TSPAN7: variants seen among roughly 807,000 people sequenced by gnomAD.
TSPAN7 encodes tetraspanin-7.
A neutral mutation model predicts 17.6 loss-of-function variants in TSPAN7; 1 was observed. That is an observed-to-expected ratio of 0.06 (90% CI 0.02 to 0.27). The LOEUF (loss-of-function observed/expected upper bound fraction) is 0.27, where lower values mean the gene tolerates loss of function less well. Among genes scored for constraint, TSPAN7 ranks in the 10% least tolerant of loss-of-function variants. TSPAN7 has a pLI of 1.00. For synonymous variants in TSPAN7, 78 were observed against 79.0 expected, an observed-to-expected ratio of 0.99 and a Z score of 0.07; for missense variants, 112 against 201.7, an observed-to-expected ratio of 0.56 and a Z score of 2.69.
intron 1 of TSPAN7, among the ~76,000 whole-genome samples, chrX:38,605,726 G>A (rs1243718203): frequency 3.6e-5 from 4 of 109,788 alleles, no homozygotes; most frequent in Non-Finnish European, 7.6e-5. Flanking sequence ...TAGATCAATG[G>A]AACAGAACAG....
chrX:38,571,743 TAA>T, intron 1 of TSPAN7, among the ~76,000 whole-genome samples: 1 of 104,003 alleles, frequency 9.6e-6, no homozygotes, highest in African/African-American at 3.5e-5. Context: ...GTGTGTGAGT[TAA>T]AAAAAAAAAA....
In TSPAN7 at chrX:38,653,612, T is replaced by G. The variant is rs1012928695; in HGVS notation, c.82-12509T>G. Among the ~76,000 whole-genome samples, 17 of 112,667 alleles carry G rather than the reference T, an allele frequency of 1.5e-4. No homozygotes were observed. The South Asian group carries it at 1.8e-3, about 12-fold the overall frequency. On this transcript the variant is annotated intron_variant, in intron 1 of 7. Coordinates refer to ENST00000378482, the MANE Select transcript of TSPAN7 (RefSeq NM_004615.4). ...CCCATAGGTTTGTTCCTGGTGCTAA[T>G]GATATTGAACATTTCTGGTTCACGT...
intron 1 of TSPAN7, among the ~76,000 whole-genome samples, chrX:38,663,182 G>A (rs9723944): frequency 1.2e-5 from 1 of 83,904 alleles, no homozygotes; most frequent in Non-Finnish European, 2.2e-5. Flanking sequence ...CACACACACA[G>A]ACACACACAC....
At chrX:38,591,055 G>A (rs895892784) in intron 1 of TSPAN7, among the ~76,000 whole-genome samples, 3 of 109,905 alleles carry the variant, frequency 2.7e-5, no homozygotes, top group Non-Finnish European at 5.7e-5. Context: ...ATCTCATTTT[G>A]TTCCTTCTAC....
chrX:38,634,467 G>A (rs897539943), intron 1 of TSPAN7, among the ~76,000 whole-genome samples: 2 of 112,000 alleles, frequency 1.8e-5, no homozygotes, highest in Non-Finnish European at 3.8e-5. Flanking sequence ...CATGTTCCTC[G>A]TTTCTGGGAC....
At chrX:38,641,265 T>C (rs933610160) in intron 1 of TSPAN7, among the ~76,000 whole-genome samples, 4 of 112,287 alleles carry the variant, frequency 3.6e-5, no homozygotes, top group Non-Finnish European at 7.5e-5. Flanking sequence ...CAAGTGAAGG[T>C]TTTCTCTTCC....
intron 1 of TSPAN7, among the ~76,000 whole-genome samples, chrX:38,571,238 A>G (rs5963515): frequency 0.17 from 18,474 of 110,455 alleles, 1,460 homozygotes; most frequent in Middle Eastern, 0.28. Flanking sequence ...GTACTGGTGA[A>G]CAGACATAGG....
intron 4 of TSPAN7, among the ~76,000 whole-genome samples, chrX:38,675,311 G>A (rs1352535977): frequency 8.9e-6 from 1 of 112,078 alleles, no homozygotes; most frequent in South Asian, 3.7e-4. Flanking sequence ...TTTTTCTTAA[G>A]AACTATTTAT....
intron 1 of TSPAN7, among the ~76,000 whole-genome samples, chrX:38,582,579 A>G (rs1170261227): frequency 9.0e-6 from 1 of 111,659 alleles, no homozygotes; most frequent in Non-Finnish European, 1.9e-5. Flanking sequence ...CGAGGTCTCT[A>G]TGATTGTAAA....
intron 6 of TSPAN7, among the ~76,000 whole-genome samples, chrX:38,685,602 CA>C (rs1179611997): frequency 5.4e-5 from 6 of 111,780 alleles, no homozygotes; most frequent in Admixed American, 9.5e-5. Flanking sequence ...CCTGGATATT[CA>C]ATATAGTCAT....
intron 5 of TSPAN7, among the ~76,000 whole-genome samples, chrX:38,680,544 TCTCTCTCTC>T (rs2069883123): frequency 2.5e-5 from 1 of 40,736 alleles, no homozygotes; most frequent in African/African-American, 9.4e-5. Context: ...ACAAATTCTC[TCTCTCTCTC>T]TCTCTCTCTC....
intron 2 of TSPAN7, among the ~76,000 whole-genome samples, chrX:38,670,786 G>A (rs1461222065): frequency 8.9e-6 from 1 of 112,756 alleles, no homozygotes; most frequent in African/African-American, 3.2e-5. Context: ...ATGGGCTAGC[G>A]TTAGAGAAAA....
intron 1 of TSPAN7, among the ~76,000 whole-genome samples, chrX:38,643,394 A>G (rs1388218211): frequency 9.0e-6 from 1 of 110,918 alleles, no homozygotes; most frequent in Non-Finnish European, 1.9e-5. Flanking sequence ...TTAATACTGA[A>G]ACATCACATT....
chrX:38,563,270 CA>C (rs1220901002), intron 1 of TSPAN7: 4 of 445,839 alleles, frequency 9.0e-6, no homozygotes, highest in Non-Finnish European at 1.3e-5. Context: ...TGAAATGTCT[CA>C]GTAGTGGAAT....
intron 1 of TSPAN7, among the ~76,000 whole-genome samples, chrX:38,594,257 A>T (rs1220605061): frequency 9.0e-6 from 1 of 111,176 alleles, no homozygotes. Context: ...ATGCTGTTTT[A>T]TACAGTTAAT....
Position 38,688,778 on chromosome X carries a change from A to G in TSPAN7, c.*847A>G, listed in dbSNP as rs949775467. On this transcript the variant is annotated 3_prime_UTR_variant, in exon 8 of 8. Coordinates refer to ENST00000378482, the MANE Select transcript of TSPAN7 (RefSeq NM_004615.4). The stretch of plus-strand genomic sequence containing the variant: ...GAGGACCTCATCCAAACAATTTAAA[A>G]ATGAGTGTGAAGGGGGAACAAGTCA... The G allele has an allele frequency of 1.8e-5, 2 of 112,740 alleles. No homozygotes were observed. The highest frequency in any genetic ancestry group is 1.9e-4 in the Admixed American group (2 of 10,587). The allele number at this position is 112,740 out of a possible 1,213,427, so 9.3% of individuals were successfully genotyped here. A position where few individuals can be genotyped will look rare whatever the true frequency, so the allele number is the denominator to read the frequency against.
intron 1 of TSPAN7, among the ~76,000 whole-genome samples, chrX:38,620,181 G>A (rs1031763202): frequency 8.9e-6 from 1 of 111,847 alleles, no homozygotes; most frequent in Non-Finnish European, 1.9e-5. Flanking sequence ...ACACAGTTCT[G>A]ACGTTCTCCT....
chrX:38,674,022 A>AT (rs1472716775), intron 3 of TSPAN7, among the ~76,000 whole-genome samples, 199 bp from the exon 4 acceptor site: 1 of 111,307 alleles, frequency 9.0e-6, no homozygotes, highest in African/African-American at 3.3e-5. Context: ...GAGGGGAACA[A>AT]TTTTTTAAAT....
intron 1 of TSPAN7, among the ~76,000 whole-genome samples, chrX:38,571,470 T>A (rs2069169199): frequency 9.0e-6 from 1 of 111,423 alleles, no homozygotes; most frequent in African/African-American, 3.3e-5. Context: ...CTTGGTTCAC[T>A]TGAGCCTCCT....
Sources: gnomAD v4.1 joint callset for allele counts (sites outside exome capture counted in the v4.1 genomes callset) on GRCh38, gnomAD v4.1.1 for gene constraint, MANE v1.5 for transcripts, NCBI Gene and HGNC (gene_info 2026-07-23, HGNC 2026-07-21) for gene names.